The following SEM1 variants were observed in gnomAD, a reference collection of about 807,000 sequenced individuals.
SEM1 encodes 26S proteasome complex subunit SEM1.
SEM1 carries 3 observed loss-of-function variants against 12.7 expected under a neutral mutation model. The ratio of observed to expected loss-of-function variants is 0.24; its 90% CI spans 0.11 to 0.61. SEM1 has a LOEUF of 0.61. Ranked by LOEUF, SEM1 falls within the 20% of genes least tolerant of loss-of-function variation. The pLI, the probability that SEM1 is intolerant of heterozygous loss-of-function variation, is 0.88. For synonymous variants in SEM1, 30 were observed against 27.8 expected, an observed-to-expected ratio of 1.08 and a Z score of -0.25; for missense variants, 59 against 81.3, an observed-to-expected ratio of 0.73 and a Z score of 1.06.
chr7:96,671,060 G>A (rs1789302532), downstream of SEM1, among the ~76,000 whole-genome samples: 1 of 152,112 alleles, frequency 6.6e-6, no homozygotes, highest in Non-Finnish European at 1.5e-5. Context: ...GACATTTTGG[G>A]AATAATAAAC....
intron 2 of SEM1, among the ~76,000 whole-genome samples, chr7:96,632,784 G>GTTTTTTTTTTT (rs11296451): frequency 9.1e-6 from 1 of 110,186 alleles, no homozygotes; most frequent in African/African-American, 3.1e-5. Flanking sequence ...GTTGTTTTTT[G>GTTTTTTTTTTT]TTTTTTTTTT....
downstream of SEM1, among the ~76,000 whole-genome samples, chr7:96,684,341 C>T (rs924489203): frequency 2.6e-5 from 4 of 151,908 alleles, no homozygotes; most frequent in South Asian, 2.1e-4. Flanking sequence ...ATCACTTGTA[C>T]GGGGCACGGG....
At chr7:96,690,687 T>C (rs954994418) in intron 2 of SEM1, among the ~76,000 whole-genome samples, 1 of 152,186 alleles carries the variant, frequency 6.6e-6, no homozygotes, top group Non-Finnish European at 1.5e-5. Flanking sequence ...ACTAGTAGGT[T>C]TGAAAAGTCC....
At chr7:96,551,715 AAAAAAAAAGAAAAG>A (rs1333629423) in intron 2 of SEM1, among the ~76,000 whole-genome samples, 1 of 95,380 alleles carries the variant, frequency 1.0e-5, no homozygotes, top group East Asian at 3.4e-4. Context: ...CAAAAAAAAA[AAAAAAAAAGAAAAG>A]AAAAAAAAGA....
At chr7:96,567,989 T>C (rs1408294162) in intron 2 of SEM1, among the ~76,000 whole-genome samples, 1 of 151,370 alleles carries the variant, frequency 6.6e-6, no homozygotes, top group Non-Finnish European at 1.5e-5. Context: ...TGTCAAGTTT[T>C]GATATAATTA....
intron 2 of SEM1, among the ~76,000 whole-genome samples, chr7:96,553,997 G>T (rs1216390393): frequency 2.7e-5 from 4 of 150,846 alleles, no homozygotes; most frequent in Non-Finnish European, 4.4e-5. Flanking sequence ...TTCTCTGTTT[G>T]TCTGTTGTTG....
At chr7:96,624,511 AT>A (rs1584813398) in intron 2 of SEM1, among the ~76,000 whole-genome samples, 2 of 152,044 alleles carry the variant, frequency 1.3e-5, no homozygotes, top group African/African-American at 2.4e-5. Flanking sequence ...TCAGTTACTT[AT>A]TTTTTTCCTC....
chr7:96,665,527 ACT>A (rs1465094719), intron 2 of SEM1, among the ~76,000 whole-genome samples: 1 of 151,982 alleles, frequency 6.6e-6, no homozygotes, highest in Non-Finnish European at 1.5e-5. Context: ...ATAGAAAAAT[ACT>A]CTTTTTATGG....
At chr7:96,555,886 C>A (rs1260366511) in intron 2 of SEM1, among the ~76,000 whole-genome samples, 1 of 148,840 alleles carries the variant, frequency 6.7e-6, no homozygotes, top group African/African-American at 2.5e-5. Context: ...GTATTGGGTG[C>A]ATATATATTT....
At chr7:96,694,068 T>C (rs1322995309) in intron 2 of SEM1, among the ~76,000 whole-genome samples, 3 of 151,960 alleles carry the variant, frequency 2.0e-5, no homozygotes, top group Non-Finnish European at 2.9e-5. Flanking sequence ...GAAAACATTA[T>C]GCTAAGTGAA....
chr7:96,493,870 C>T (rs1300190721), intron 1 of SEM1, among the ~76,000 whole-genome samples: 1 of 152,186 alleles, frequency 6.6e-6, no homozygotes, highest in Non-Finnish European at 1.5e-5. Flanking sequence ...TTTCCTATTG[C>T]TCTTCAAAAC....
chr7:96,529,239 A>T (rs1804568583), intron 2 of SEM1, among the ~76,000 whole-genome samples: 1 of 152,152 alleles, frequency 6.6e-6, no homozygotes, highest in South Asian at 2.1e-4. Flanking sequence ...AAAAGAAAGG[A>T]TAAAAGATTG....
At chr7:96,543,519 T>C (rs938117843) in intron 2 of SEM1, among the ~76,000 whole-genome samples, 73 of 152,072 alleles carry the variant, frequency 4.8e-4, no homozygotes, top group African/African-American at 1.7e-3. Context: ...TAAATATATA[T>C]TTTTTAACAA....
At chr7:96,645,551 A>G (rs1194740756) in intron 2 of SEM1, 3 of 389,586 alleles carry the variant, frequency 7.7e-6, no homozygotes, top group Non-Finnish European at 1.4e-5. Flanking sequence ...CAGCTTATAT[A>G]AAGCATGAAA....
At chr7:96,587,734 A>G (rs909609908) in intron 2 of SEM1, among the ~76,000 whole-genome samples, 10 of 151,964 alleles carry the variant, frequency 6.6e-5, no homozygotes, top group African/African-American at 2.4e-4. Context: ...TGCTGATAAC[A>G]TTAGAGAGTA....
intron 2 of SEM1, among the ~76,000 whole-genome samples, chr7:96,614,240 C>G (rs1189944347): frequency 6.6e-6 from 1 of 152,120 alleles, no homozygotes; most frequent in Non-Finnish European, 1.5e-5. Context: ...CTATTTATCT[C>G]CTTATACTTT....
At chr7:96,575,236 C>T (rs952370841) in intron 2 of SEM1, among the ~76,000 whole-genome samples, 2 of 152,192 alleles carry the variant, frequency 1.3e-5, no homozygotes, top group African/African-American at 4.8e-5. Flanking sequence ...TGCTGTAGGT[C>T]TGCTGAAGTT....
At chr7:96,494,277 G>C (rs959097284) in intron 1 of SEM1, among the ~76,000 whole-genome samples, 2 of 152,144 alleles carry the variant, frequency 1.3e-5, no homozygotes, top group East Asian at 3.9e-4. Context: ...TAATTCTCAA[G>C]ATATGTGAAA....
chr7:96,592,864 G>A (rs1218764212), intron 2 of SEM1, among the ~76,000 whole-genome samples: 2 of 151,998 alleles, frequency 1.3e-5, no homozygotes, highest in African/African-American at 4.8e-5. Flanking sequence ...CAGGGGGCAT[G>A]TTTGTTAGCT....
Sources: gnomAD v4.1 joint callset for allele counts (sites outside exome capture counted in the v4.1 genomes callset) on GRCh38, gnomAD v4.1.1 for gene constraint, MANE v1.5 for transcripts, NCBI Gene and HGNC (gene_info 2026-07-23, HGNC 2026-07-21) for gene names.